The following NACC2 variants were observed in gnomAD, a reference collection of about 807,000 sequenced individuals.
The protein encoded by NACC2 is NACC family member 2.
NACC2 carries 8 observed loss-of-function variants against 25.1 expected under a neutral mutation model. The observed-to-expected ratio is 0.32, with a 90% confidence interval of 0.19 to 0.57. NACC2 has a LOEUF of 0.57. Ranked by LOEUF, NACC2 falls within the 20% of genes least tolerant of loss-of-function variation. NACC2 has a pLI of 0.89. For synonymous variants in NACC2, 435 were observed against 294.7 expected (o/e 1.48, Z -4.88); for missense variants, 644 against 650.2 (o/e 0.99, Z 0.10).
At chr9:136,026,840 A>G (rs910268889) in intron 2 of NACC2, among the ~76,000 whole-genome samples, 7 of 152,256 alleles carry the variant, frequency 4.6e-5, no homozygotes, top group Non-Finnish European at 8.8e-5. Flanking sequence ...ACAGGAGGTC[A>G]GAGGGGAAGA....
chr9:136,083,598 G>A (rs781635636), intron 1 of NACC2, among the ~76,000 whole-genome samples: 4 of 152,248 alleles, frequency 2.6e-5, no homozygotes, highest in Non-Finnish European at 4.4e-5. Context: ...GAAGAGCGCC[G>A]TGCAGAGGCC....
Position 136,050,106 on chromosome 9 carries a change from C to A in NACC2, c.416G>T (p.Gly139Val). ...DSQTAVIEDAGSEPQSPCNQL... is the reference protein window; with the variant it reads ...DSQTAVIEDAVSEPQSPCNQL... ...GTTGCAGGGGCTCTGGGGCTCGGAG[C>A]CGGCGTCCTCGATCACAGCGGTCTG... The change falls in exon 2 of 6, where the codon GGC (glycine) becomes GTC (valine). Residue 139 changes from glycine to valine, a missense_variant. Gly to Val is a moderately radical substitution (Grantham distance 109, BLOSUM62 -3). Transcript: ENST00000277554. 4.0e-6 allele frequency: 3 copies of A among 752,894 alleles called. No homozygotes were observed. Among genetic ancestry groups the A allele is most frequent in the Non-Finnish European group, 7.3e-6 (3 of 408,824 alleles). The allele number at this position is 752,894 out of a possible 1,614,324, so 46.6% of individuals were successfully genotyped here. A position where few individuals can be genotyped will look rare whatever the true frequency, so the allele number is the denominator to read the frequency against.
chr9:136,016,997 C>T (rs1840212637), intron 2 of NACC2, among the ~76,000 whole-genome samples: 1 of 152,142 alleles, frequency 6.6e-6, no homozygotes, highest in Non-Finnish European at 1.5e-5. Context: ...GGGGCATGGC[C>T]ACCTGACTCA....
intron 2 of NACC2, among the ~76,000 whole-genome samples, chr9:136,026,583 C>T (rs765116290): frequency 9.2e-5 from 14 of 151,850 alleles, no homozygotes; most frequent in Non-Finnish European, 1.8e-4. Flanking sequence ...AGTGAGGTAA[C>T]GCAGGAGACA....
At chr9:136,087,481 C>T (rs1457126287) in intron 1 of NACC2, among the ~76,000 whole-genome samples, 1 of 152,188 alleles carries the variant, frequency 6.6e-6, no homozygotes, top group Non-Finnish European at 1.5e-5. Context: ...TCGCAGGGGT[C>T]GGGCCAGCCC....
At chr9:136,060,663 G>C (rs141640551) in intron 1 of NACC2, among the ~76,000 whole-genome samples, 4,853 of 152,382 alleles carry the variant, frequency 0.032, 120 homozygotes, top group Middle Eastern at 0.054. Context: ...TAGCCCCGTC[G>C]GGTCTCAAAG....
intron 2 of NACC2, among the ~76,000 whole-genome samples, chr9:136,033,261 G>A (rs896861748): frequency 1.3e-5 from 2 of 152,148 alleles, no homozygotes; most frequent in African/African-American, 4.8e-5. Flanking sequence ...AGCAAGGTAA[G>A]CAGACTTCAA....
rs1423818907 is a variant in NACC2 at position 136,010,534 on chromosome 9, G to T, written c.*982C>A. The T allele has an allele frequency of 6.6e-6, 1 of 152,220 alleles. No homozygotes were observed. The highest frequency in any genetic ancestry group is 1.9e-4 in the East Asian group (1 of 5,200). 9.4% of individuals were successfully genotyped at this position (152,220 alleles called of 1,614,324 possible). A position where few individuals can be genotyped will look rare whatever the true frequency, so the allele number is the denominator to read the frequency against. On this transcript the variant is annotated 3_prime_UTR_variant, in exon 6 of 6. Transcript: ENST00000277554. This position sits in a 1 kb window ranked among gnomAD's most constrained non-coding sequence, Gnocchi z 4.9. Reference sequence around the variant, plus strand: ...AGGGGGACGCACCCTAACGGCCACAGATGACCCACCCCAAGCCATGGTGGG... The same window carrying T: ...AGGGGGACGCACCCTAACGGCCACATATGACCCACCCCAAGCCATGGTGGG...
intron 1 of NACC2, among the ~76,000 whole-genome samples, chr9:136,050,930 G>A (rs983265761): frequency 6.6e-5 from 10 of 152,204 alleles, no homozygotes; most frequent in Non-Finnish European, 1.3e-4. Flanking sequence ...GGTGGGGGCC[G>A]CCGGGGGAGC....
chr9:136,053,762 G>T (rs1422400679), intron 1 of NACC2, among the ~76,000 whole-genome samples: 1 of 152,226 alleles, frequency 6.6e-6, no homozygotes, highest in Non-Finnish European at 1.5e-5. Context: ...AGGACGGGGG[G>T]GTAGGGATGT....
At chr9:136,080,277 T>TC (rs1412492642) in intron 1 of NACC2, among the ~76,000 whole-genome samples, 1 of 152,142 alleles carries the variant, frequency 6.6e-6, no homozygotes, top group Non-Finnish European at 1.5e-5. Flanking sequence ...CTCTGTGCTC[T>TC]CCTTCTCTGA....
At chr9:136,045,724 C>T (rs1840712811) in intron 2 of NACC2, among the ~76,000 whole-genome samples, 1 of 152,156 alleles carries the variant, frequency 6.6e-6, no homozygotes, top group Non-Finnish European at 1.5e-5. Flanking sequence ...GCTTGGGTGA[C>T]AACGGCCACC....
At chr9:136,046,648 G>A (rs1382795430) in intron 2 of NACC2, among the ~76,000 whole-genome samples, 3 of 152,212 alleles carry the variant, frequency 2.0e-5, no homozygotes, top group Admixed American at 6.5e-5. Flanking sequence ...CATGCATGGC[G>A]CCTTCTCGCA....
In NACC2 at chr9:136,018,634, G is replaced by C. The variant is rs555742126; in HGVS notation, c.887-2205C>G. On this transcript the variant is annotated intron_variant, in intron 2 of 5. Coordinates refer to ENST00000277554, the MANE Select transcript of NACC2 (RefSeq NM_144653.5). The surrounding 1 kb of genome is among the most constrained non-coding windows in gnomAD (Gnocchi z 4.4). The stretch of plus-strand genomic sequence containing the variant: ...CCCAAGCAGAGGCTGCAACAGAACA[G>C]AGGCCAGAAAGGGGGCCTCAAAGGT... 5.0e-4 allele frequency among the ~76,000 whole-genome samples: 76 copies of C among 152,168 alleles called. No homozygotes were observed. Among genetic ancestry groups the C allele is most frequent in the Non-Finnish European group, 9.4e-4 (64 of 68,002 alleles).
chr9:136,078,335 G>C (rs574604711), intron 1 of NACC2, among the ~76,000 whole-genome samples: 13 of 152,336 alleles, frequency 8.5e-5, no homozygotes, highest in African/African-American at 3.1e-4. Context: ...AATTCATGAG[G>C]GGGACAGGCA....
chr9:136,053,276 C>T (rs909721889), intron 1 of NACC2, among the ~76,000 whole-genome samples: 2 of 152,204 alleles, frequency 1.3e-5, no homozygotes, highest in Non-Finnish European at 2.9e-5. Flanking sequence ...CCAGACCAGA[C>T]AAAAAGCCAC....
rs1840028519 is a variant in NACC2 at position 136,007,309 on chromosome 9, C to T, written c.*4207G>A. 6.5e-6 allele frequency: 1 copy of T among 154,402 alleles called. No individual in the cohort carries two copies. The highest frequency in any genetic ancestry group is 1.5e-5 in the Non-Finnish European group (1 of 68,220). 9.6% of individuals were successfully genotyped at this position (154,402 alleles called of 1,614,324 possible). ...TTGCCATTTTAGAACCATCTTGTAC[C>T]AAACCCTAAATGCTCCGGTGGTGAC... On this transcript the variant is annotated 3_prime_UTR_variant, in exon 6 of 6. Coordinates refer to ENST00000277554, the MANE Select transcript of NACC2 (RefSeq NM_144653.5).
intron 1 of NACC2, among the ~76,000 whole-genome samples, chr9:136,079,022 G>A (rs936437660): frequency 3.9e-5 from 6 of 152,076 alleles, no homozygotes; most frequent in Non-Finnish European, 8.8e-5. Flanking sequence ...AGCACTGAAG[G>A]TAAATATGTT....
Position 136,064,372 on chromosome 9 carries a change from A to T in NACC2, c.-59-13792T>A, listed in dbSNP as rs1446128018. ...CAGCAAGATTGCAAAATATAAACTC[A>T]GTATACAAAAATCACAAGTATTTCT... On this transcript the variant is annotated intron_variant, in intron 1 of 5. Coordinates refer to ENST00000277554, the MANE Select transcript of NACC2 (RefSeq NM_144653.5). 5.7e-5 allele frequency among the ~76,000 whole-genome samples: 8 copies of T among 139,846 alleles called. No homozygotes were observed. In the Admixed American group the frequency reaches 5.8e-4, roughly 10 times the overall value. 91.7% of individuals were successfully genotyped at this position (139,846 alleles called of 152,430 possible).
Sources: gnomAD v4.1 joint callset for allele counts (sites outside exome capture counted in the v4.1 genomes callset) on GRCh38, gnomAD v4.1.1 for gene constraint, Gnocchi (gnomAD v3.1) non-coding constraint, MANE v1.5 for transcripts, NCBI Gene and HGNC (gene_info 2026-07-23, HGNC 2026-07-21) for gene names.